The following ARHGAP29 variants were observed in gnomAD, a reference collection of about 807,000 sequenced individuals.
The protein encoded by ARHGAP29 is rho GTPase-activating protein 29.
ARHGAP29 carries 43 observed loss-of-function variants against 122.6 expected under a neutral mutation model. The ratio of observed to expected loss-of-function variants is 0.35; its 90% CI spans 0.27 to 0.45. The LOEUF (loss-of-function observed/expected upper bound fraction) is 0.45. Ranked by LOEUF, ARHGAP29 falls within the 20% of genes least tolerant of loss-of-function variation. The pLI is 1.00. For synonymous variants in ARHGAP29, 506 were observed against 497.1 expected (o/e 1.02, Z -0.24); for missense variants, 1,303 against 1,477.2 (o/e 0.88, Z 1.93).
the ARHGAP29 span, among the ~76,000 whole-genome samples, chr1:94,286,378 A>G: frequency 6.6e-6 from 1 of 152,168 alleles, no homozygotes; most frequent in Non-Finnish European, 1.5e-5. Context: ...AAAATAAGAA[A>G]AAATTTAGTC....
In ARHGAP29 at chr1:94,236,437, C is replaced by T. The variant is rs1040813522; in HGVS notation, c.-33+978G>A. On this transcript the variant is annotated intron_variant, in intron 1 of 22. Transcript: ENST00000260526. ...AGAATGGAGCAACCAAAATGGACAGCCGACGGTGGTAACGACGGACAAAAG... is the reference window on the plus strand; with the variant it reads ...AGAATGGAGCAACCAAAATGGACAGTCGACGGTGGTAACGACGGACAAAAG... Among the ~76,000 whole-genome samples the T allele has an allele frequency of 4.6e-5, 7 of 152,136 alleles. No homozygotes were observed. In the East Asian group the frequency reaches 1.4e-3, roughly 29 times the overall value.
intron 19 of ARHGAP29, among the ~76,000 whole-genome samples, chr1:94,182,150 GAAAGCTGCAAAAAGAACAAAAACTAC>G (rs1649511509): frequency 6.6e-6 from 1 of 151,428 alleles, no homozygotes; most frequent in African/African-American, 2.4e-5. Flanking sequence ...AAAAAAGGAA[GAAAGCTGCAAAAAGAACAAAAACTAC>G]AATTCTGGGG....
chr1:94,191,347 G>A (rs1015683908), intron 12 of ARHGAP29: 2 of 152,122 alleles, frequency 1.3e-5, no homozygotes, highest in Non-Finnish European at 2.9e-5. Flanking sequence ...TTCAAAGACT[G>A]CCATGTTTCC....
At chr1:94,286,250 T>C in the ARHGAP29 span, among the ~76,000 whole-genome samples, 1 of 152,200 alleles carries the variant, frequency 6.6e-6, no homozygotes, top group Non-Finnish European at 1.5e-5. Context: ...CCCACTCTTA[T>C]TACCTCATTT....
At chr1:94,199,683 T>C (rs1223947951) in intron 12 of ARHGAP29, among the ~76,000 whole-genome samples, 1 of 152,180 alleles carries the variant, frequency 6.6e-6, no homozygotes, top group Admixed American at 6.5e-5. Context: ...CCAAAGTCCA[T>C]GGAAATTCAC....
chr1:94,213,372 C>T (rs564766189), intron 3 of ARHGAP29, among the ~76,000 whole-genome samples: 24 of 152,156 alleles, frequency 1.6e-4, no homozygotes, highest in East Asian at 1.5e-3. Flanking sequence ...TTAGTAGAGA[C>T]GGGGTTTCAC....
At chr1:94,212,799 A>C (rs1651723792) in intron 3 of ARHGAP29, among the ~76,000 whole-genome samples, 1 of 152,082 alleles carries the variant, frequency 6.6e-6, no homozygotes, top group Admixed American at 6.5e-5. Context: ...ATCTAATATA[A>C]TTCTCTTTTT....
the ARHGAP29 span, among the ~76,000 whole-genome samples, chr1:94,314,294 G>A: frequency 6.6e-6 from 1 of 152,116 alleles, no homozygotes; most frequent in African/African-American, 2.4e-5. Context: ...AAAGCACAAG[G>A]CTGCTTCAGA....
the ARHGAP29 span, among the ~76,000 whole-genome samples, chr1:94,310,737 A>G: frequency 6.6e-6 from 1 of 151,780 alleles, no homozygotes; most frequent in African/African-American, 2.4e-5. Context: ...TTATACCCTC[A>G]AATTTCTCAC....
At chr1:94,206,515 A>G (rs1651200216) in intron 5 of ARHGAP29, among the ~76,000 whole-genome samples, 1 of 152,198 alleles carries the variant, frequency 6.6e-6, no homozygotes, top group African/African-American at 2.4e-5. Context: ...TAAAAGAGGG[A>G]TAAGAACACT....
At chr1:94,291,266 G>T in the ARHGAP29 span, among the ~76,000 whole-genome samples, 16 of 151,980 alleles carry the variant, frequency 1.1e-4, no homozygotes, top group South Asian at 2.1e-4. Context: ...TGTTTGTTTG[G>T]TTGTTTGTTT....
At chr1:94,203,330 C>A in intron 8 of ARHGAP29, 120 bp from the exon 9 acceptor site, 1 of 602,530 alleles carries the variant, frequency 1.7e-6, no homozygotes, top group Non-Finnish European at 2.7e-6. Context: ...AGAAAAATAA[C>A]TAGTCAAAAA....
At chr1:94,274,631 A>G (rs1214806945) in intron 1 of ARHGAP29, among the ~76,000 whole-genome samples, 1 of 152,226 alleles carries the variant, frequency 6.6e-6, no homozygotes, top group Non-Finnish European at 1.5e-5. Context: ...GATAAGTGCT[A>G]TATTATGGGG....
At chr1:94,282,697 T>C in the ARHGAP29 span, among the ~76,000 whole-genome samples, 1 of 152,162 alleles carries the variant, frequency 6.6e-6, no homozygotes, top group African/African-American at 2.4e-5. Flanking sequence ...CCCTCTTCTC[T>C]TCTGCCTAGA....
the ARHGAP29 span, among the ~76,000 whole-genome samples, chr1:94,308,945 G>A: frequency 6.6e-6 from 1 of 152,148 alleles, no homozygotes; most frequent in South Asian, 2.1e-4. Context: ...AGGTTGTGTG[G>A]GTCAAGGCTG....
At chr1:94,264,093 C>T (rs1003372580) in intron 1 of ARHGAP29, among the ~76,000 whole-genome samples, 10 of 152,118 alleles carry the variant, frequency 6.6e-5, no homozygotes, top group Non-Finnish European at 1.2e-4. Context: ...ACTCTTCGTA[C>T]GTAATGCCAA....
rs552926542 is a variant in ARHGAP29, at chr1:94,203,612, T to C, written c.762+318A>G. On this transcript the variant is annotated intron_variant, in intron 8 of 22. Transcript: ENST00000260526. ...TTAGCCAGGGCATGGTGGGCACCTA[T>C]AGTCCCAGGTCATCAGGAGGCTGCG... 5.7e-4 allele frequency among the ~76,000 whole-genome samples: 86 copies of C among 152,190 alleles called. 2 individuals are homozygous for C. In the South Asian group the frequency reaches 0.015, roughly 26 times the overall value.
the ARHGAP29 span, among the ~76,000 whole-genome samples, chr1:94,286,928 A>G: frequency 6.6e-6 from 1 of 152,160 alleles, no homozygotes; most frequent in Non-Finnish European, 1.5e-5. Context: ...CTCCAATTCA[A>G]TTCCAACACT....
chr1:94,277,139 C>A (rs1000869209), upstream of ARHGAP29, among the ~76,000 whole-genome samples: 7 of 152,146 alleles, frequency 4.6e-5, no homozygotes, highest in Non-Finnish European at 1.0e-4. Context: ...GCAGAGTGCA[C>A]TTTTTCATTT....
Sources: allele counts gnomAD v4.1 joint callset (sites outside exome capture counted in the v4.1 genomes callset), GRCh38; gene constraint gnomAD v4.1.1; transcripts MANE v1.5; gene names NCBI Gene and HGNC (gene_info 2026-07-23, HGNC 2026-07-21).